DAPK1: variants seen among roughly 807,000 people sequenced by gnomAD.
DAPK1 encodes the protein death-associated protein kinase 1.
DAPK1 carries 56 observed loss-of-function variants against 144.9 expected under a neutral mutation model. The ratio of observed to expected loss-of-function variants is 0.39; its 90% CI spans 0.31 to 0.48. DAPK1 has a LOEUF of 0.48. DAPK1 is among the 20% of genes least tolerant of loss of function. The pLI is 0.95. For missense variants in DAPK1, 1,454 were observed against 1,875.4 expected (o/e 0.78, Z 4.15); for synonymous variants, 690 against 749.0 (o/e 0.92, Z 1.29).
At chr9:87,512,919 T>G (rs1824904635) in intron 2 of DAPK1, among the ~76,000 whole-genome samples, 1 of 152,094 alleles carries the variant, frequency 6.6e-6, no homozygotes, top group Non-Finnish European at 1.5e-5. Flanking sequence ...AGTGCTGGGA[T>G]TACAGACATG....
chr9:87,515,453 C>G (rs577309692), intron 2 of DAPK1, among the ~76,000 whole-genome samples: 1 of 152,284 alleles, frequency 6.6e-6, no homozygotes, highest in South Asian at 2.1e-4. Context: ...AGCTCTGAGC[C>G]TCTCTGGCTC....
chr9:87,525,543 T>G, intron 2 of DAPK1: 3 of 1,038,060 alleles, frequency 2.9e-6, no homozygotes, highest in Non-Finnish European at 4.4e-6. Flanking sequence ...TCTTTGTACA[T>G]AAAATAAACA....
rs1350169557 is a variant in DAPK1, at chr9:87,647,296, T to C, written c.1231-9T>C. On this transcript the variant is annotated splice_polypyrimidine_tract_variant and intron_variant, in intron 13 of 25. Transcript: ENST00000408954. Reference sequence around the variant, plus strand: ...CTAGAAATGTGACCCCAGGTTGATTTTCCTGCAGGGCGGGTCCAATGCCGT... The same window carrying C: ...CTAGAAATGTGACCCCAGGTTGATTCTCCTGCAGGGCGGGTCCAATGCCGT... 1 of 1,613,548 alleles carries C rather than the reference T, an allele frequency of 6.2e-7. No homozygotes were observed. Among genetic ancestry groups the C allele is most frequent in the East Asian group, 2.2e-5 (1 of 44,876 alleles).
chr9:87,651,845 C>A lies in DAPK1; in HGVS notation c.1824+121C>A, dbSNP rs975079649. 8.9e-4 allele frequency: 677 copies of A among 756,734 alleles called. 2 individuals carry two copies. In the African/African-American group the frequency reaches 0.011, roughly 12 times the overall value. 46.9% of individuals were successfully genotyped at this position (756,734 alleles called of 1,614,324 possible). ...CTGATTCTGTGTCCTCCCACCTGAT[C>A]CCGGGTCCTGATTCTGTGTCCTCCC... is the stretch of plus-strand genomic sequence containing the variant. On this transcript the variant is annotated intron_variant, in intron 17 of 25. Coordinates refer to ENST00000408954, the MANE Select transcript of DAPK1 (RefSeq NM_004938.4).
chr9:87,499,404 T>C, intron 2 of DAPK1: 1 of 472,610 alleles, frequency 2.1e-6, no homozygotes, highest in Non-Finnish European at 3.8e-6. Context: ...GATTTAATTG[T>C]CCGTGCTAAC....
chr9:87,518,390 A>T (rs555902784), intron 2 of DAPK1, among the ~76,000 whole-genome samples: 1 of 151,706 alleles, frequency 6.6e-6, no homozygotes, highest in Non-Finnish European at 1.5e-5. Context: ...AGCCTCCCAA[A>T]GTGCTGGGAT....
chr9:87,610,682 A>G (rs1828891457), intron 3 of DAPK1, among the ~76,000 whole-genome samples: 1 of 152,232 alleles, frequency 6.6e-6, no homozygotes, highest in African/African-American at 2.4e-5. Flanking sequence ...GCCTCCATGA[A>G]GCCTCAGTGT....
chr9:87,700,268 C>T (rs376069628), intron 24 of DAPK1, 31 bp downstream of exon 24: 94 of 1,587,632 alleles, frequency 5.9e-5, no homozygotes, highest in Non-Finnish European at 6.1e-6. Flanking sequence ...GCCTGGACCC[C>T]TTTGTACTTC....
chr9:87,507,138 C>T (rs1824631637), intron 2 of DAPK1: 1 of 152,212 alleles, frequency 6.6e-6, no homozygotes, highest in South Asian at 2.1e-4. Flanking sequence ...CTTTAGGTGA[C>T]ATTGACAGCT....
chr9:87,500,285 G>A (rs1327700055), intron 2 of DAPK1, among the ~76,000 whole-genome samples: 1 of 152,176 alleles, frequency 6.6e-6, no homozygotes, highest in South Asian at 2.1e-4. Flanking sequence ...ATGGGGGCCT[G>A]TGCTTAGGAA....
chr9:87,498,412 C>A (rs186848107), intron 1 of DAPK1: 81 of 324,850 alleles, frequency 2.5e-4, no homozygotes, highest in African/African-American at 1.5e-3. Flanking sequence ...CCCGGGCGGC[C>A]GCACGCCGGG....
intron 10 of DAPK1, among the ~76,000 whole-genome samples, chr9:87,642,280 T>C (rs370702960): frequency 6.6e-6 from 1 of 152,348 alleles, no homozygotes; most frequent in African/African-American, 2.4e-5. Flanking sequence ...TTTTGTGTTG[T>C]TTTCATCAAA....
intron 2 of DAPK1, among the ~76,000 whole-genome samples, chr9:87,594,389 G>T (rs1420437678): frequency 6.6e-6 from 1 of 152,214 alleles, no homozygotes. Flanking sequence ...GGTCCCTGCT[G>T]ACTCTGCACA....
chr9:87,706,578 G>A lies in DAPK1; in HGVS notation c.3507G>A (p.Leu1169=), dbSNP rs528813093. 27 of 1,613,738 alleles carry A rather than the reference G, an allele frequency of 1.7e-5. 1 individual carries two copies. The highest frequency in any genetic ancestry group is 1.3e-4 in the South Asian group (12 of 91,080). The change falls in exon 26 of 26, where the codon CTG becomes CTA. Residue 1169 remains leucine (L), a synonymous_variant. Transcript: ENST00000408954. The surrounding 1 kb of genome is among the most constrained non-coding windows in gnomAD (Gnocchi z 9.0). ...CAGAGGGCGACGCGGACATCCGCCTGTGGGTGAATGGCTGCAAGCTGGCCA... is the reference window on the plus strand; with the variant it reads ...CAGAGGGCGACGCGGACATCCGCCTATGGGTGAATGGCTGCAAGCTGGCCA... The part of the protein sequence containing the change: ...QSTEGDADIR[L]WVNGCKLANR...
Position 87,590,382 on chromosome 9 carries a change from A to G in DAPK1, c.63-14572A>G, listed in dbSNP as rs1278662185. ...GATCATTGGCCTCAAAAAAAAAAAA[A>G]AAAGAAAAGAAAAGAAAAGAAAAAG... On this transcript the variant is annotated intron_variant, in intron 2 of 25. Coordinates refer to ENST00000408954, the MANE Select transcript of DAPK1 (RefSeq NM_004938.4). Among the ~76,000 whole-genome samples, 5 of 147,568 alleles carry G rather than the reference A, an allele frequency of 3.4e-5. No homozygotes were observed. The East Asian group carries it at 5.8e-4, about 17-fold the overall frequency.
intron 2 of DAPK1, among the ~76,000 whole-genome samples, chr9:87,519,725 C>T (rs1318298410): frequency 3.3e-5 from 5 of 152,290 alleles, no homozygotes; most frequent in Admixed American, 2.6e-4. Flanking sequence ...CTGACTTTTC[C>T]TCAGGATCTG....
intron 2 of DAPK1, among the ~76,000 whole-genome samples, chr9:87,509,602 C>T (rs559487568): frequency 1.3e-5 from 2 of 152,186 alleles, no homozygotes; most frequent in Non-Finnish European, 2.9e-5. Flanking sequence ...TTAGGTGATC[C>T]GCCCGCCTCG....
intron 3 of DAPK1, among the ~76,000 whole-genome samples, chr9:87,627,320 A>T (rs1356171062): frequency 6.6e-6 from 1 of 152,226 alleles, no homozygotes; most frequent in Non-Finnish European, 1.5e-5. Context: ...ATTATTGCAC[A>T]GCTGGGACAA....
upstream of DAPK1, chr9:87,497,761 G>C (rs2117942570): frequency 3.1e-6 from 1 of 325,414 alleles, no homozygotes; most frequent in South Asian, 1.6e-4. Flanking sequence ...GGCCTGGCAG[G>C]GCAGCTCGGA....
Sources: allele counts gnomAD v4.1 joint callset (sites outside exome capture counted in the v4.1 genomes callset), GRCh38; gene constraint gnomAD v4.1.1; non-coding constraint Gnocchi (gnomAD v3.1); transcripts MANE v1.5; gene names NCBI Gene and HGNC (gene_info 2026-07-23, HGNC 2026-07-21).